ZBTB7C: variants seen among roughly 807,000 people sequenced by gnomAD.
ZBTB7C encodes the protein zinc finger and BTB domain containing 7C, also known as zinc finger and BTB domain-containing protein 7C.
A neutral mutation model predicts 25.7 loss-of-function variants in ZBTB7C; 8 were observed. The observed-to-expected ratio is 0.31, with a 90% CI of 0.18 to 0.56. The LOEUF is 0.56. Ranked by LOEUF, ZBTB7C falls within the 20% of genes least tolerant of loss-of-function variation. ZBTB7C has a pLI of 0.91. For missense variants in ZBTB7C, 824 were observed against 855.2 expected (o/e 0.96, Z 0.46); for synonymous variants, 394 against 369.0 (o/e 1.07, Z -0.78).
At chr18:48,107,136 A>T (rs1253816065) in intron 3 of ZBTB7C, among the ~76,000 whole-genome samples, 2 of 144,204 alleles carry the variant, frequency 1.4e-5, no homozygotes, top group African/African-American at 2.6e-5. Context: ...GAGGTGGAGA[A>T]TGTGGGGAGG....
chr18:48,321,536 T>C (rs2046092596), intron 2 of ZBTB7C, among the ~76,000 whole-genome samples: 1 of 152,324 alleles, frequency 6.6e-6, no homozygotes, highest in East Asian at 1.9e-4. Context: ...GCAGCTCAGA[T>C]ATCTGCAATC....
intron 1 of ZBTB7C, among the ~76,000 whole-genome samples, chr18:48,384,738 G>A (rs2145223555): frequency 6.6e-6 from 1 of 152,294 alleles, no homozygotes; most frequent in South Asian, 2.1e-4. Flanking sequence ...CTGGAGTGCA[G>A]TGGCACCATC....
intron 3 of ZBTB7C, among the ~76,000 whole-genome samples, chr18:48,049,716 A>G (rs1288685154): frequency 1.3e-5 from 2 of 152,182 alleles, no homozygotes; most frequent in Non-Finnish European, 2.9e-5. Flanking sequence ...TCACGCAGCT[A>G]GAAAACAGCA....
At chr18:48,229,823 C>T (rs951859853) in intron 2 of ZBTB7C, among the ~76,000 whole-genome samples, 9 of 151,994 alleles carry the variant, frequency 5.9e-5, no homozygotes, top group South Asian at 2.1e-4. Flanking sequence ...GTCCAAGGAG[C>T]GGGGCAGGTG....
At chr18:48,050,110 C>T (rs917099189) in intron 3 of ZBTB7C, among the ~76,000 whole-genome samples, 11 of 152,178 alleles carry the variant, frequency 7.2e-5, no homozygotes, top group South Asian at 4.1e-4. Flanking sequence ...CGGCTACCTG[C>T]GTTCTTTGAG....
intron 3 of ZBTB7C, among the ~76,000 whole-genome samples, chr18:48,054,476 T>C (rs1056506294): frequency 7.9e-5 from 12 of 152,120 alleles, no homozygotes; most frequent in East Asian, 7.7e-4. Flanking sequence ...AGGTGTAAGA[T>C]GTCCTGGTTA....
intron 4 of ZBTB7C, among the ~76,000 whole-genome samples, chr18:48,030,828 T>C (rs191598251): frequency 6.6e-6 from 1 of 151,980 alleles, no homozygotes; most frequent in Non-Finnish European, 1.5e-5. Context: ...ACACACCTCC[T>C]GGTGGTCTTG....
intron 3 of ZBTB7C, among the ~76,000 whole-genome samples, chr18:48,128,736 A>G (rs1036806976): frequency 4.6e-5 from 7 of 152,210 alleles, no homozygotes; most frequent in African/African-American, 1.4e-4. Flanking sequence ...GAGGGACAAA[A>G]AAAACTACAT....
Position 48,039,914 on chromosome 18 carries a change from C to T in ZBTB7C, c.1194G>A (p.Glu398=), listed in dbSNP as rs369696884. 1 of 1,612,846 alleles carries T rather than the reference C, an allele frequency of 6.2e-7. No homozygotes were observed. The highest frequency in any genetic ancestry group is 8.5e-7 in the Non-Finnish European group (1 of 1,180,032). The change falls in exon 4 of 5, where the codon GAG becomes GAA. Residue 398 remains glutamate, a synonymous_variant. Coordinates refer to ENST00000590800, the MANE Select transcript of ZBTB7C (RefSeq NM_001318841.2). ...GCCATGCGCACCTGGTGAAGCGGAC[C>T]TCGCAGATGGTGCACATGTATGGCT... The part of the protein sequence containing the change: ...GEKPYMCTIC[E]VRFTRQDKLK...
chr18:48,143,638 C>T (rs1419050561), intron 3 of ZBTB7C, among the ~76,000 whole-genome samples: 1 of 152,036 alleles, frequency 6.6e-6, no homozygotes, highest in Non-Finnish European at 1.5e-5. Context: ...TCCTCTGAGC[C>T]CCCTCTTGTC....
At chr18:48,117,653 C>A (rs1187606379) in intron 3 of ZBTB7C, among the ~76,000 whole-genome samples, 1 of 152,198 alleles carries the variant, frequency 6.6e-6, no homozygotes, top group Non-Finnish European at 1.5e-5. Flanking sequence ...GCATCCTATG[C>A]CCTCAGCCAG....
intron 3 of ZBTB7C, among the ~76,000 whole-genome samples, chr18:48,070,037 G>C (rs2037484296): frequency 6.6e-6 from 1 of 152,142 alleles, no homozygotes; most frequent in African/African-American, 2.4e-5. Flanking sequence ...TGAAGTAACT[G>C]ACCCAAAGCA....
chr18:48,082,064 C>T (rs2038012259), intron 3 of ZBTB7C, among the ~76,000 whole-genome samples: 1 of 152,134 alleles, frequency 6.6e-6, no homozygotes, highest in African/African-American at 2.4e-5. Context: ...TTGGTCTACG[C>T]ATTAGAGGAG....
chr18:48,410,794 C>T (rs781492788), upstream of ZBTB7C: 2 of 152,264 alleles, frequency 1.3e-5, no homozygotes, highest in South Asian at 4.1e-4. Context: ...GGGCTCCTCC[C>T]TCAGAAGCGG....
At chr18:48,107,865 A>G (rs1488363565) in intron 3 of ZBTB7C, among the ~76,000 whole-genome samples, 1 of 152,180 alleles carries the variant, frequency 6.6e-6, no homozygotes, top group East Asian at 1.9e-4. Context: ...AACCAGTGCT[A>G]TCTGGAGAGT....
chr18:48,253,227 GA>G (rs138064940), intron 2 of ZBTB7C, among the ~76,000 whole-genome samples: 18,089 of 151,374 alleles, frequency 0.12, 1,730 homozygotes, highest in African/African-American at 0.25. Flanking sequence ...AAGAGAAAAA[GA>G]AAAAAAATCC....
At chr18:48,202,358 G>C (rs1396468863) in intron 2 of ZBTB7C, among the ~76,000 whole-genome samples, 1 of 151,920 alleles carries the variant, frequency 6.6e-6, no homozygotes, top group Non-Finnish European at 1.5e-5. Context: ...ATTAGAGATG[G>C]AACTCAGAAT....
chr18:48,227,759 T>C (rs1216085653), intron 2 of ZBTB7C, among the ~76,000 whole-genome samples: 2 of 152,184 alleles, frequency 1.3e-5, no homozygotes, highest in East Asian at 1.9e-4. Context: ...AGCAACGAAA[T>C]AGGAAACATT....
intron 3 of ZBTB7C, among the ~76,000 whole-genome samples, chr18:48,119,057 C>T (rs1185738412): frequency 2.6e-5 from 4 of 152,084 alleles, no homozygotes; most frequent in Non-Finnish European, 2.9e-5. Flanking sequence ...ATCACCTGCA[C>T]GGCTTGTTAA....
Sources: allele counts gnomAD v4.1 joint callset (sites outside exome capture counted in the v4.1 genomes callset), GRCh38; gene constraint gnomAD v4.1.1; transcripts MANE v1.5; gene names NCBI Gene and HGNC (gene_info 2026-07-23, HGNC 2026-07-21).